The following TACR1 variants were observed in gnomAD, a reference collection of about 807,000 sequenced individuals.
The protein encoded by TACR1 is substance-P receptor.
TACR1 carries 25 observed loss-of-function variants against 35.8 expected under a neutral mutation model. The observed-to-expected ratio is 0.70, with a 90% CI of 0.51 to 0.98. The LOEUF (loss-of-function observed/expected upper bound fraction) is 0.98, where lower values mean the gene tolerates loss of function less well. TACR1 is among the 50% of genes least tolerant of loss of function. TACR1 has a pLI of 0.00. For synonymous variants in TACR1, 195 were observed against 206.7 expected, an observed-to-expected ratio of 0.94 and a Z score of 0.48; for missense variants, 478 against 522.9, an observed-to-expected ratio of 0.91 and a Z score of 0.84.
At chr2:75,196,803 T>C (rs1676006446) in intron 1 of TACR1, among the ~76,000 whole-genome samples, 1 of 152,192 alleles carries the variant, frequency 6.6e-6, no homozygotes, top group Admixed American at 6.5e-5. Flanking sequence ...TCCTAGAGCT[T>C]GTGCAAAGCC....
chr2:75,183,755 G>A (rs1675616853), intron 1 of TACR1, among the ~76,000 whole-genome samples: 2 of 152,136 alleles, frequency 1.3e-5, no homozygotes, highest in African/African-American at 4.8e-5. Context: ...CTTAAGCTGA[G>A]GGAGTAAAAT....
At chr2:75,081,638 T>C (rs1049179406) in intron 2 of TACR1, among the ~76,000 whole-genome samples, 3 of 152,152 alleles carry the variant, frequency 2.0e-5, no homozygotes, top group Admixed American at 6.5e-5. Flanking sequence ...GGATGAGAGC[T>C]ATGGGCTGCA....
intron 2 of TACR1, among the ~76,000 whole-genome samples, chr2:75,084,201 T>C (rs955269319): frequency 3.3e-5 from 5 of 152,268 alleles, no homozygotes; most frequent in African/African-American, 9.6e-5. Flanking sequence ...GTTTTTGTCA[T>C]TGGTTCTGTT....
chr2:75,140,027 A>C (rs1307558606), intron 1 of TACR1, among the ~76,000 whole-genome samples: 1 of 152,192 alleles, frequency 6.6e-6, no homozygotes, highest in East Asian at 1.9e-4. Flanking sequence ...TGTTTCCATT[A>C]AAATGGAAAT....
intron 1 of TACR1, among the ~76,000 whole-genome samples, chr2:75,171,550 C>T (rs1261451063): frequency 6.6e-6 from 1 of 152,180 alleles, no homozygotes; most frequent in Non-Finnish European, 1.5e-5. Context: ...GATCCACCGA[C>T]CGCTTGCACT....
chr2:75,138,133 T>C (rs1674335076), intron 1 of TACR1, among the ~76,000 whole-genome samples: 1 of 152,128 alleles, frequency 6.6e-6, no homozygotes, highest in African/African-American at 2.4e-5. Context: ...AGCAGTTACA[T>C]AGTAGAGATG....
chr2:75,114,031 A>G (rs1427314024), intron 2 of TACR1, among the ~76,000 whole-genome samples: 1 of 152,224 alleles, frequency 6.6e-6, no homozygotes, highest in Non-Finnish European at 1.5e-5. Context: ...CATAATATAC[A>G]AAAGATGAAG....
intron 1 of TACR1, among the ~76,000 whole-genome samples, chr2:75,140,373 G>T (rs981497629): frequency 6.6e-6 from 1 of 151,968 alleles, no homozygotes; most frequent in Non-Finnish European, 1.5e-5. Flanking sequence ...ATGTACATTT[G>T]GAAAAATGAT....
At position 75,049,100 on chromosome 2, in the gene TACR1, A is replaced by C. The variant is rs554024589; in HGVS notation, c.*332T>G. On this transcript the variant is annotated 3_prime_UTR_variant, in exon 5 of 5. Transcript: ENST00000305249. ...TCCGGGTCCGCAGCTGTGCTGCAGA[A>C]TTCATCCTGAAATGAGCACTCGCAT... The C allele has an allele frequency of 1.5e-5, 4 of 267,006 alleles. No individual in the cohort carries two copies. The highest frequency in any genetic ancestry group is 8.8e-5 in the African/African-American group (4 of 45,700). 16.5% of individuals were successfully genotyped at this position (267,006 alleles called of 1,614,324 possible).
At chr2:75,173,562 A>G (rs1305325858) in intron 1 of TACR1, among the ~76,000 whole-genome samples, 2 of 152,224 alleles carry the variant, frequency 1.3e-5, no homozygotes, top group African/African-American at 4.8e-5. Flanking sequence ...AAGAAGAAAC[A>G]TCAAAAATGA....
chr2:75,152,483 TC>T (rs747822053), intron 1 of TACR1, among the ~76,000 whole-genome samples: 3 of 152,052 alleles, frequency 2.0e-5, no homozygotes, highest in Non-Finnish European at 2.9e-5. Flanking sequence ...GTCTTTCACC[TC>T]CCCCCATGAT....
intron 2 of TACR1, among the ~76,000 whole-genome samples, chr2:75,086,146 G>A (rs1274797012): frequency 6.6e-6 from 1 of 152,150 alleles, no homozygotes; most frequent in African/African-American, 2.4e-5. Context: ...GGAAGAGGAG[G>A]AACAATTATT....
intron 1 of TACR1, among the ~76,000 whole-genome samples, chr2:75,122,717 G>A (rs891175880): frequency 6.6e-6 from 1 of 152,126 alleles, no homozygotes; most frequent in Non-Finnish European, 1.5e-5. Flanking sequence ...ATACTATAAA[G>A]CCTATCACTC....
chr2:75,198,472 CA>C, intron 1 of TACR1, 73 bp downstream of exon 1: 1 of 1,548,060 alleles, frequency 6.5e-7, no homozygotes, highest in Admixed American at 1.8e-5. Flanking sequence ...ATACCCCACC[CA>C]GTTCCAAACC....
intron 1 of TACR1, among the ~76,000 whole-genome samples, chr2:75,141,863 T>G (rs542290254): frequency 2.9e-4 from 44 of 152,266 alleles, no homozygotes; most frequent in African/African-American, 9.4e-4. Flanking sequence ...TTCCTGAAGC[T>G]TCATACCCCA....
At chr2:75,086,365 A>T (rs1673188589) in intron 2 of TACR1, among the ~76,000 whole-genome samples, 1 of 152,222 alleles carries the variant, frequency 6.6e-6, no homozygotes, top group Non-Finnish European at 1.5e-5. Context: ...CAGAATTTTA[A>T]ATTACTTATC....
At chr2:75,159,063 T>C (rs192903470) in intron 1 of TACR1, among the ~76,000 whole-genome samples, 9 of 152,048 alleles carry the variant, frequency 5.9e-5, no homozygotes, top group Non-Finnish European at 5.9e-5. Flanking sequence ...TTTTTTTTAA[T>C]GTTTTAGAGA....
rs144198410 is a variant in TACR1, at chr2:75,176,402, C to T, written c.389+22144G>A. 5.2e-3 allele frequency among the ~76,000 whole-genome samples: 783 copies of T among 151,550 alleles called. 5 individuals are homozygous for T. The highest frequency in any genetic ancestry group is 0.019 in the African/African-American group (767 of 41,276). ...CAGGTTCCTCTCTCGGTTGGAGAGTCTTCTCCACGCCAACACTATGCATTG... is the reference window on the plus strand; with the variant it reads ...CAGGTTCCTCTCTCGGTTGGAGAGTTTTCTCCACGCCAACACTATGCATTG... On this transcript the variant is annotated intron_variant, in intron 1 of 4. Coordinates refer to ENST00000305249, the MANE Select transcript of TACR1 (RefSeq NM_001058.4).
chr2:75,049,975 T>C (rs1269000875), intron 4 of TACR1, among the ~76,000 whole-genome samples: 1 of 151,856 alleles, frequency 6.6e-6, no homozygotes, highest in Non-Finnish European at 1.5e-5. Flanking sequence ...TTACTGGGGG[T>C]GGCCCTGAAC....
Sources: gnomAD v4.1 joint callset for allele counts (sites outside exome capture counted in the v4.1 genomes callset) on GRCh38, gnomAD v4.1.1 for gene constraint, MANE v1.5 for transcripts, NCBI Gene and HGNC (gene_info 2026-07-23, HGNC 2026-07-21) for gene names.